KHDC1: variants seen among roughly 807,000 people sequenced by gnomAD.
KHDC1 encodes the protein KH domain containing 1, also known as KH homology domain-containing protein 1.
KHDC1 carries 21 observed loss-of-function variants against 24.7 expected under a neutral mutation model. That is an observed-to-expected ratio of 0.85 (90% CI 0.60 to 1.23). The LOEUF (loss-of-function observed/expected upper bound fraction) is 1.23. Among genes scored for constraint, KHDC1 ranks in the 50% most tolerant of loss-of-function variants. The probability of loss-of-function intolerance (pLI) is 0.00; values close to 1 mark genes in which losing one functional copy is unlikely to be tolerated. For missense variants in KHDC1, 274 were observed against 298.5 expected (o/e 0.92, Z 0.61); for synonymous variants, 98 against 111.7 (o/e 0.88, Z 0.77).
intron 2 of KHDC1, among the ~76,000 whole-genome samples, chr6:73,281,878 T>G (rs1168467929): frequency 6.6e-6 from 1 of 152,098 alleles, no homozygotes; most frequent in East Asian, 1.9e-4. Flanking sequence ...TTTTTGTTTT[T>G]GATGACCTTG....
chr6:73,246,475 C>A (rs532489230), intron 2 of KHDC1, among the ~76,000 whole-genome samples: 1 of 152,128 alleles, frequency 6.6e-6, no homozygotes, highest in Non-Finnish European at 1.5e-5. Flanking sequence ...CAAATGATCA[C>A]GAACACTCCC....
rs188337882 is a variant in KHDC1, at chr6:73,257,377, G to T, written c.207-14847C>A. On this transcript the variant is annotated intron_variant, in intron 2 of 4. Coordinates refer to ENST00000370384, the Ensembl canonical transcript of KHDC1. ...CTAACAATAGCAACCAATTGAGGGT[G>T]TCTGGGCTCATGGTTGGGAATTTTT... Among the ~76,000 whole-genome samples the T allele has an allele frequency of 3.3e-3, 506 of 152,306 alleles. 3 individuals are homozygous for T. The highest frequency in any genetic ancestry group is 3.8e-3 in the Non-Finnish European group (261 of 68,034).
intron 2 of KHDC1, among the ~76,000 whole-genome samples, chr6:73,249,948 T>C (rs1387979834): frequency 6.6e-6 from 1 of 152,168 alleles, no homozygotes; most frequent in Non-Finnish European, 1.5e-5. Flanking sequence ...AGGAATATGT[T>C]AACAAATATG....
chr6:73,241,612 T>C (rs148053198), exon 5 of KHDC1: 3 of 1,614,182 alleles, frequency 1.9e-6, no homozygotes, highest in East Asian at 2.2e-5. Context: ...AGACACACGG[T>C]TCCACTTATC....
At chr6:73,261,922 A>C (rs1047412828) in intron 2 of KHDC1, among the ~76,000 whole-genome samples, 39 of 151,850 alleles carry the variant, frequency 2.6e-4, no homozygotes, top group Non-Finnish European at 4.6e-4. Flanking sequence ...AAAAAAAAAA[A>C]AAAAAGCCTA....
At position 73,254,611 on chromosome 6, in the gene KHDC1, A is replaced by G. The variant is rs191653709; in HGVS notation, c.207-12081T>C. On this transcript the variant is annotated intron_variant, in intron 2 of 4. Transcript: ENST00000370384. ...GAGTTAAAAAATGGCAAGGTGCTAA[A>G]GAGTGTATTGTATGATGCTATCTAT... Among the ~76,000 whole-genome samples, 5 of 152,266 alleles carry G rather than the reference A, an allele frequency of 3.3e-5. No homozygotes were observed. In the East Asian group the frequency reaches 9.6e-4, roughly 29 times the overall value.
At chr6:73,273,104 C>T (rs1273393553) in intron 2 of KHDC1, among the ~76,000 whole-genome samples, 1 of 151,240 alleles carries the variant, frequency 6.6e-6, no homozygotes, top group Non-Finnish European at 1.5e-5. Flanking sequence ...GGTGATCCGC[C>T]CACCTCGGCC....
rs139456677 is a variant in KHDC1, at chr6:73,249,681, C to T, written c.207-7151G>A. On this transcript the variant is annotated intron_variant, in intron 2 of 4. Transcript: ENST00000370384. ...TGCTGGATGTGGACTCACAGAAAGA[C>T]GGACACATCTGAAACCAAAAGTGTG... Among the ~76,000 whole-genome samples the T allele has an allele frequency of 2.2e-3, 333 of 152,268 alleles. 1 individual carries two copies. The highest frequency in any genetic ancestry group is 7.2e-3 in the African/African-American group (301 of 41,560).
At chr6:73,298,503 T>C (rs1767804534) in intron 1 of KHDC1, among the ~76,000 whole-genome samples, 1 of 133,284 alleles carries the variant, frequency 7.5e-6, no homozygotes, top group Admixed American at 8.5e-5. Context: ...TGTCGCAATC[T>C]TGGCTCACAG....
chr6:73,292,309 C>A, intron 1 of KHDC1: 1 of 1,046,068 alleles, frequency 9.6e-7, no homozygotes, highest in African/African-American at 1.6e-5. Context: ...TCTTTGACTA[C>A]CTGGCGGACA....
At chr6:73,243,649 G>T (rs184039257) in intron 2 of KHDC1, among the ~76,000 whole-genome samples, 2 of 152,308 alleles carry the variant, frequency 1.3e-5, no homozygotes, top group East Asian at 3.9e-4. Context: ...CAAAGAACTA[G>T]ATTTCAAAAC....
intron 2 of KHDC1, among the ~76,000 whole-genome samples, chr6:73,254,587 A>C (rs1476038430): frequency 4.6e-5 from 7 of 152,122 alleles, no homozygotes; most frequent in Non-Finnish European, 1.0e-4. Context: ...AGATATATTG[A>C]GTTAAAAAAT....
intron 2 of KHDC1, among the ~76,000 whole-genome samples, chr6:73,247,479 A>C (rs867776240): frequency 6.6e-6 from 1 of 152,228 alleles, no homozygotes; most frequent in Middle Eastern, 3.4e-3. Flanking sequence ...CAGTTACCCC[A>C]ACCTGAGGCT....
intron 2 of KHDC1, among the ~76,000 whole-genome samples, chr6:73,289,693 GACTCAC>G (rs1767602153): frequency 6.6e-6 from 1 of 151,780 alleles, no homozygotes; most frequent in Admixed American, 6.6e-5. Flanking sequence ...CAGGCACTGT[GACTCAC>G]ACCTGTAATT....
In KHDC1 at chr6:73,242,057, C is replaced by T. The variant is rs199949364; in HGVS notation, c.512G>A (p.Arg171Gln). Residue 171 changes from arginine (R) to glutamine (Q), a missense_variant and splice_region_variant, in exon 4 of 5, where the codon CGA (arginine) becomes CAA (glutamine). Physicochemically the swap from Arg to Gln is conservative, Grantham distance 43. Transcript: ENST00000370384. ...ACAGTTCAGCCAAGGATACCTACCT[C>T]GAGCATGATGATAGGAGTCCTGGCT... The T allele has an allele frequency of 1.7e-4, 275 of 1,610,140 alleles. 2 individuals carry two copies. The highest frequency in any genetic ancestry group is 9.9e-4 in the Middle Eastern group (6 of 6,058).
intron 2 of KHDC1, 61 bp downstream of exon 1, chr6:73,262,713 C>G: frequency 1.0e-6 from 1 of 984,372 alleles, no homozygotes; most frequent in African/African-American, 1.7e-5. Context: ...CTTTCCTTAT[C>G]TGTAAGATAT....
intron 2 of KHDC1, among the ~76,000 whole-genome samples, chr6:73,254,986 G>A (rs2150560636): frequency 6.6e-6 from 1 of 150,718 alleles, no homozygotes; most frequent in South Asian, 2.1e-4. Context: ...TGAGGAACAA[G>A]AGCAAGACTC....
intron 2 of KHDC1, among the ~76,000 whole-genome samples, chr6:73,288,524 G>C (rs1767563388): frequency 6.6e-6 from 1 of 152,176 alleles, no homozygotes; most frequent in Admixed American, 6.5e-5. Context: ...AGGAGGCTGA[G>C]GCAGGAGAAT....
At chr6:73,265,407 T>C (rs541861841) in intron 2 of KHDC1, among the ~76,000 whole-genome samples, 1 of 151,634 alleles carries the variant, frequency 6.6e-6, no homozygotes, top group South Asian at 2.1e-4. Context: ...TGGGTGCCTG[T>C]AATCCCAGCT....
Sources: allele counts gnomAD v4.1 joint callset (sites outside exome capture counted in the v4.1 genomes callset), GRCh38; gene constraint gnomAD v4.1.1; transcripts MANE v1.5; gene names NCBI Gene and HGNC (gene_info 2026-07-23, HGNC 2026-07-21).